The following CLPTM1 variants were observed in gnomAD, a reference collection of about 807,000 sequenced individuals.
CLPTM1 encodes the protein putative lipid scramblase CLPTM1.
Under a neutral mutation model 77.3 loss-of-function variants are expected in CLPTM1, and 21 were observed. The observed-to-expected ratio is 0.27, with a 90% CI of 0.19 to 0.39. CLPTM1 has a LOEUF of 0.39. Among genes scored for constraint, CLPTM1 ranks in the 10% least tolerant of loss-of-function variants. The pLI, the probability that CLPTM1 is intolerant of heterozygous loss-of-function variation, is 1.00. For missense variants in CLPTM1, 642 were observed against 921.2 expected, an observed-to-expected ratio of 0.70 and a Z score of 3.92; for synonymous variants, 373 against 381.0, an observed-to-expected ratio of 0.98 and a Z score of 0.24.
At chr19:44,986,653 GCCCTGTCC>G in intron 7 of CLPTM1, 78 bp downstream of exon 7, 1 of 1,548,938 alleles carries the variant, frequency 6.5e-7, no homozygotes, top group Non-Finnish European at 8.7e-7. Context: ...TCTTCTCCTG[GCCCTGTCC>G]CCCTGAGAGA....
Position 44,960,141 on chromosome 19 carries a change from A to G in CLPTM1, c.73-1822A>G, listed in dbSNP as rs576651896. 3.1e-3 allele frequency among the ~76,000 whole-genome samples: 477 copies of G among 152,198 alleles called. 2 individuals carry two copies. Among genetic ancestry groups the G allele is most frequent in the Non-Finnish European group, 5.4e-3 (364 of 68,006 alleles). Reference sequence around the variant, plus strand: ...CCCTTCCCCAGCCGACCCCCGCCCCATAGATCTCCTCATCAGAATGTGGCT... The same window carrying G: ...CCCTTCCCCAGCCGACCCCCGCCCCGTAGATCTCCTCATCAGAATGTGGCT... On this transcript the variant is annotated intron_variant, in intron 1 of 13. Transcript: ENST00000337392.
chr19:44,980,743 A>G (rs576182580), intron 5 of CLPTM1, among the ~76,000 whole-genome samples: 12 of 151,928 alleles, frequency 7.9e-5, no homozygotes, highest in Non-Finnish European at 1.3e-4. Flanking sequence ...GCTTGAGCCC[A>G]GGAGTTTGAG....
chr19:44,988,257 A>G, intron 9 of CLPTM1, 84 bp downstream of exon 9: 1 of 982,250 alleles, frequency 1.0e-6, no homozygotes, highest in South Asian at 1.3e-5. Flanking sequence ...CTCCCTCCCC[A>G]CATGTCCTCC....
chr19:44,976,256 C>T (rs1015761340), intron 4 of CLPTM1, among the ~76,000 whole-genome samples: 1 of 152,082 alleles, frequency 6.6e-6, no homozygotes, highest in Non-Finnish European at 1.5e-5. Context: ...CCTGGCAGGC[C>T]CAGCAGGGGG....
intron 2 of CLPTM1, 114 bp downstream of exon 2, chr19:44,962,189 GC>G (rs1347069075): frequency 1.2e-5 from 6 of 485,726 alleles, no homozygotes; most frequent in Admixed American, 8.6e-5. Context: ...TGGTAGAGTT[GC>G]TTTTTTTCTT....
At chr19:44,981,178 CT>C (rs1220894576) in intron 5 of CLPTM1, among the ~76,000 whole-genome samples, 1 of 147,148 alleles carries the variant, frequency 6.8e-6, no homozygotes, top group African/African-American at 2.5e-5. Flanking sequence ...GAGTTTCACT[CT>C]TGTTGCCCAG....
intron 2 of CLPTM1, among the ~76,000 whole-genome samples, chr19:44,972,453 G>A (rs574093436): frequency 6.6e-6 from 1 of 152,028 alleles, no homozygotes; most frequent in African/African-American, 2.4e-5. Context: ...GTTTCACCAT[G>A]TTAGCCAGGA....
chr19:44,974,092 G>C (rs1306871881), intron 3 of CLPTM1, among the ~76,000 whole-genome samples: 3 of 152,060 alleles, frequency 2.0e-5, no homozygotes, highest in Non-Finnish European at 4.4e-5. Context: ...GCTCTGGACT[G>C]CTTCGTCCAT....
Position 44,987,306 on chromosome 19 carries a change from C to T in CLPTM1, c.921C>T (p.Phe307=). The part of the protein sequence containing the change: ...SLASLPLRVS[F]CPLSLWRWQL... ...CCAGCCTGCCGCTCCGCGTCTCCTTCTGCCCACTCTCGCTTTGGCGCTGGC... is the reference window on the plus strand; with the variant it reads ...CCAGCCTGCCGCTCCGCGTCTCCTTTTGCCCACTCTCGCTTTGGCGCTGGC... Residue 307 remains phenylalanine (F), a synonymous_variant, in exon 8 of 14, where the codon TTC becomes TTT. Transcript: ENST00000337392. 6.2e-7 allele frequency: 1 copy of T among 1,614,286 alleles called. No individual in the cohort carries two copies. The highest frequency in any genetic ancestry group is 8.5e-7 in the Non-Finnish European group (1 of 1,180,050).
chr19:44,961,706 C>T (rs760114), intron 1 of CLPTM1, among the ~76,000 whole-genome samples: 17,026 of 152,178 alleles, frequency 0.11, 1,112 homozygotes, highest in South Asian at 0.24. Flanking sequence ...TCTCCCCCAC[C>T]GGGCTGTTAA....
At chr19:44,987,759 C>T in intron 8 of CLPTM1, 8 of 549,758 alleles carry the variant, frequency 1.5e-5, no homozygotes, top group Non-Finnish European at 2.6e-5. Context: ...CAGCCTGTGT[C>T]TGTGGCGTGA....
rs774095864 is a variant in CLPTM1, at chr19:44,977,424, C to T, written c.550C>T (p.Leu184=). The change falls in exon 5 of 14, where the codon CTG becomes TTG. Residue 184 remains leucine (L), a synonymous_variant. Transcript: ENST00000337392. ...GFHPDPRQKA[L]YRRLATVHMS... The stretch of plus-strand genomic sequence containing the variant: ...CCACCCAGACCCCCGGCAGAAGGCC[C>T]TGTACCGCCGGCTTGCCACAGTCCA... 1.2e-6 allele frequency: 2 copies of T among 1,609,198 alleles called. No individual in the cohort carries two copies. The highest frequency in any genetic ancestry group is 2.2e-5 in the East Asian group (1 of 44,866).
chr19:44,975,335 T>C (rs1014757706), intron 4 of CLPTM1, among the ~76,000 whole-genome samples: 5 of 152,244 alleles, frequency 3.3e-5, no homozygotes, highest in African/African-American at 7.2e-5. Context: ...ATCACTTCCA[T>C]GTCCCCAGCA....
intron 2 of CLPTM1, among the ~76,000 whole-genome samples, chr19:44,967,339 A>G: frequency 6.6e-6 from 1 of 151,892 alleles, no homozygotes; most frequent in Non-Finnish European, 1.5e-5. Flanking sequence ...AAACCTTAGG[A>G]AATATATAGT....
chr19:44,977,880 C>A (rs1970830805), intron 5 of CLPTM1, among the ~76,000 whole-genome samples: 1 of 152,060 alleles, frequency 6.6e-6, no homozygotes, highest in Admixed American at 6.5e-5. Context: ...CTTTGGGAGA[C>A]AAGGTGGGCA....
chr19:44,992,512 G>A lies in CLPTM1; in HGVS notation c.1724-99G>A. ...CCCCAGATGGGGTGCTCAGTCTGAG[G>A]GGGCTCGGCCCCGCCCTTGCATCAC... On this transcript the variant is annotated intron_variant, in intron 13 of 13. Transcript: ENST00000337392. This position sits in a 1 kb window ranked among gnomAD's most constrained non-coding sequence, Gnocchi z 7.7. 1 of 1,590,396 alleles carries A rather than the reference G, an allele frequency of 6.3e-7. No homozygotes were observed. The highest frequency in any genetic ancestry group is 8.6e-7 in the Non-Finnish European group (1 of 1,163,848).
chr19:44,970,796 C>A (rs1195895841), intron 2 of CLPTM1, among the ~76,000 whole-genome samples: 1 of 140,794 alleles, frequency 7.1e-6, no homozygotes, highest in Non-Finnish European at 1.5e-5. Flanking sequence ...TTTTTTTTTT[C>A]CCCTAGACCT....
intron 6 of CLPTM1, 138 bp from the exon 7 acceptor site, chr19:44,986,317 A>G: frequency 8.8e-7 from 1 of 1,137,548 alleles, no homozygotes; most frequent in Admixed American, 2.3e-5. Context: ...TGGGCAGCAT[A>G]GTGAGACCCC....
At chr19:44,959,220 C>CT (rs921521738) in intron 1 of CLPTM1, among the ~76,000 whole-genome samples, 281 of 144,276 alleles carry the variant, frequency 1.9e-3, no homozygotes, top group East Asian at 3.2e-3. Flanking sequence ...TATTTTGTTT[C>CT]TTTTTTTTTT....
Sources: allele counts gnomAD v4.1 joint callset (sites outside exome capture counted in the v4.1 genomes callset), GRCh38; gene constraint gnomAD v4.1.1; non-coding constraint Gnocchi (gnomAD v3.1); transcripts MANE v1.5; gene names NCBI Gene and HGNC (gene_info 2026-07-23, HGNC 2026-07-21).